Variants in ACTR1A observed in about 807,000 individuals in gnomAD.
ACTR1A encodes actin related protein 1A, also known as alpha-centractin.
A neutral mutation model predicts 50.7 loss-of-function variants in ACTR1A; 10 were observed. That is an observed-to-expected ratio of 0.20 (90% CI 0.12 to 0.33). The LOEUF is 0.33. Ranked by LOEUF, ACTR1A falls within the 10% of genes least tolerant of loss-of-function variation. The pLI is 1.00. For synonymous variants in ACTR1A, 177 were observed against 184.2 expected (o/e 0.96, Z 0.32); for missense variants, 253 against 491.7 (o/e 0.51, Z 4.59).
At chr10:102,481,379 T>TGG (rs201934095) in intron 9 of ACTR1A, among the ~76,000 whole-genome samples, 19 of 130,490 alleles carry the variant, frequency 1.5e-4, no homozygotes, top group African/African-American at 5.6e-4. Flanking sequence ...CTGGGACTAT[T>TGG]GGGGGGGGCA....
Position 102,484,268 on chromosome 10 carries a change from G to A in ACTR1A, c.549C>T (p.Ile183=), listed in dbSNP as rs1414412222. 26 of 1,614,170 alleles carry A rather than the reference G, an allele frequency of 1.6e-5. No individual in the cohort carries two copies. The highest frequency in any genetic ancestry group is 4.4e-5 in the South Asian group (4 of 91,088). ...GFAMPHSIMR[I]DIAGRDVSRF... is the part of the protein sequence containing the mutation. ...GAGAGACGTCCCGGCCCGCGATGTC[G>A]ATGCGCATGATGGAGTGGGGCATGG... is the stretch of plus-strand genomic sequence containing the variant. The change falls in exon 6 of 11, where the codon ATC becomes ATT. Residue 183 remains isoleucine (I), a synonymous_variant. Coordinates refer to ENST00000369905, the MANE Select transcript of ACTR1A (RefSeq NM_005736.4).
intron 6 of ACTR1A, chr10:102,483,472 G>A (rs1425749866): frequency 5.3e-6 from 1 of 189,862 alleles, no homozygotes; most frequent in Non-Finnish European, 1.1e-5. Flanking sequence ...GGTGGCAGGA[G>A]GTTTCAGTTT....
At position 102,482,063 on chromosome 10, in the gene ACTR1A, A is replaced by G. The variant is rs1284230011; in HGVS notation, c.863T>C (p.Met288Thr). Residue 288 changes from methionine to threonine, a missense_variant, in exon 8 of 11, where the codon ATG becomes ACG. Transcript: ENST00000369905. The surrounding 1 kb of genome is among the most constrained non-coding windows in gnomAD (Gnocchi z 5.6). ...AGAGAAAAGCGTGCGCCGCAGGTCC[A>G]TGTCTGACTTCTGAATGGCGAACAC... The part of the protein sequence containing the change: ...VLVFAIQKSD[M>T]DLRRTLFSNI... 1.9e-6 allele frequency: 3 copies of G among 1,614,164 alleles called. No individual in the cohort carries two copies. The highest frequency in any genetic ancestry group is 1.1e-5 in the South Asian group (1 of 91,082).
intron 1 of ACTR1A, among the ~76,000 whole-genome samples, chr10:102,497,670 A>T (rs1471198376): frequency 6.6e-6 from 1 of 151,986 alleles, no homozygotes; most frequent in Non-Finnish European, 1.5e-5. Context: ...TTTTAAAGAG[A>T]TGGGGGTCTT....
intron 1 of ACTR1A, among the ~76,000 whole-genome samples, chr10:102,494,423 G>T (rs898841488): frequency 6.6e-6 from 1 of 152,064 alleles, no homozygotes; most frequent in Non-Finnish European, 1.5e-5. Flanking sequence ...GCCTGAGCCC[G>T]GGAGGTCGAG....
intron 4 of ACTR1A, 94 bp from the exon 5 acceptor site, chr10:102,485,827 G>T (rs1406802430): frequency 1.3e-6 from 2 of 1,550,388 alleles, no homozygotes; most frequent in Non-Finnish European, 1.8e-6. Context: ...TGGTTTGAGA[G>T]CCCGGGGACT....
In ACTR1A at chr10:102,488,295, C is replaced by A. The variant is rs1215572972; in HGVS notation, c.190-20G>T. 3.7e-6 allele frequency: 6 copies of A among 1,608,670 alleles called. No homozygotes were observed. Among genetic ancestry groups the A allele is most frequent in the Non-Finnish European group, 4.3e-6 (5 of 1,175,498 alleles). ...GTGCTCCTGGGAAAAGAGAACAGGACTTACGACTGCAGTCAGGCTCCACCC... is the reference window on the plus strand; with the variant it reads ...GTGCTCCTGGGAAAAGAGAACAGGAATTACGACTGCAGTCAGGCTCCACCC... On this transcript the variant is annotated intron_variant, in intron 3 of 10. Transcript: ENST00000369905. This position sits in a 1 kb window ranked among gnomAD's most constrained non-coding sequence, Gnocchi z 4.4.
intron 1 of ACTR1A, among the ~76,000 whole-genome samples, chr10:102,494,052 C>A (rs1212950083): frequency 1.3e-5 from 2 of 152,238 alleles, no homozygotes; most frequent in Non-Finnish European, 2.9e-5. Context: ...TCAAGCCACA[C>A]AAATTCTGCT....
chr10:102,482,861 T>C lies in ACTR1A; in HGVS notation c.750+150A>G. On this transcript the variant is annotated intron_variant, in intron 7 of 10. Transcript: ENST00000369905. This position sits in a 1 kb window ranked among gnomAD's most constrained non-coding sequence, Gnocchi z 5.6. ...TGTTGGGCCTTACTGAAAGCCATCC[T>C]GGGCCACGTGCAGCCCATGGGCCAG... The C allele has an allele frequency of 1.5e-6, 1 of 670,458 alleles. No individual in the cohort carries two copies. Among genetic ancestry groups the C allele is most frequent in the Non-Finnish European group, 2.7e-6 (1 of 376,330 alleles). The allele number at this position is 670,458 out of a possible 1,614,324, so 41.5% of individuals were successfully genotyped here.
At chr10:102,496,032 G>T (rs1296399972) in intron 1 of ACTR1A, among the ~76,000 whole-genome samples, 3 of 151,740 alleles carry the variant, frequency 2.0e-5, no homozygotes, top group Non-Finnish European at 4.4e-5. Flanking sequence ...TGCAAGTTCC[G>T]CCTCCCGGGT....
In ACTR1A at chr10:102,488,116, C is replaced by T. The variant is rs1443589249; in HGVS notation, c.315+34G>A. On this transcript the variant is annotated intron_variant, in intron 4 of 10. Coordinates refer to ENST00000369905, the MANE Select transcript of ACTR1A (RefSeq NM_005736.4). The surrounding 1 kb of genome is among the most constrained non-coding windows in gnomAD (Gnocchi z 4.4). ...TAGGAGTTTGACACAGCTTTGCATA[C>T]CCTACAGGAGTGCCCTACACACAGG... 2 of 1,593,416 alleles carry T rather than the reference C, an allele frequency of 1.3e-6. No homozygotes were observed. The highest frequency in any genetic ancestry group is 1.7e-6 in the Non-Finnish European group (2 of 1,162,952).
rs2062156213 is a variant in ACTR1A at position 102,484,222 on chromosome 10, G to A, written c.595C>T (p.Arg199Cys). The stretch of plus-strand genomic sequence containing the variant: ...GAGTGGAAGTCGTAGCCCTCCTTAC[G>A]CAGGTAGAGGCGCAGGAAGCGAGAG... The part of the protein sequence containing the change: ...DVSRFLRLYL[R>C]KEGYDFHSSS... The change falls in exon 6 of 11, where the codon CGT (arginine) becomes TGT (cysteine). Residue 199 changes from arginine to cysteine, a missense_variant. This residue lies in a region of ACTR1A where 116 missense variants were observed against 155.9 expected (regional missense o/e 0.74). Coordinates refer to ENST00000369905, the MANE Select transcript of ACTR1A (RefSeq NM_005736.4). 5.6e-6 allele frequency: 9 copies of A among 1,614,050 alleles called. No homozygotes were observed. Among genetic ancestry groups the A allele is most frequent in the Non-Finnish European group, 7.6e-6 (9 of 1,180,030 alleles).
intron 1 of ACTR1A, among the ~76,000 whole-genome samples, chr10:102,498,271 C>T (rs999394855): frequency 7.3e-5 from 11 of 150,952 alleles, no homozygotes; most frequent in African/African-American, 2.7e-4. Flanking sequence ...TACCTGGGTG[C>T]TTGTTATATA....
chr10:102,490,621 A>G lies in ACTR1A; in HGVS notation c.49-8T>C, dbSNP rs1474911358. On this transcript the variant is annotated splice_region_variant and splice_polypyrimidine_tract_variant and intron_variant, in intron 1 of 10. Coordinates refer to ENST00000369905, the MANE Select transcript of ACTR1A (RefSeq NM_005736.4). ...TTTAATCACACCGGATCCCTGAGGA[A>G]AGAGGAGAGAGAATGAGGAGTCAGA... 6.2e-7 allele frequency: 1 copy of G among 1,609,452 alleles called. No individual in the cohort carries two copies. Among genetic ancestry groups the G allele is most frequent in the African/African-American group, 1.3e-5 (1 of 74,802 alleles).
In ACTR1A at chr10:102,482,685, G is replaced by A. The variant is rs2062149530; in HGVS notation, c.750+326C>T. Reference sequence around the variant, plus strand: ...CTCCAGAGAGAGGGTGTAAGGCTGGGGTGTCCAGTCTTTTGGCTTCCCTGG... The same window carrying A: ...CTCCAGAGAGAGGGTGTAAGGCTGGAGTGTCCAGTCTTTTGGCTTCCCTGG... On this transcript the variant is annotated intron_variant, in intron 7 of 10. Transcript: ENST00000369905. This position sits in a 1 kb window ranked among gnomAD's most constrained non-coding sequence, Gnocchi z 5.6. The A allele has an allele frequency of 3.0e-6, 1 of 338,316 alleles. No homozygotes were observed. The highest frequency in any genetic ancestry group is 5.5e-6 in the Non-Finnish European group (1 of 182,080). The allele number at this position is 338,316 out of a possible 1,614,324, so 21.0% of individuals were successfully genotyped here. A position where few individuals can be genotyped will look rare whatever the true frequency, so the allele number is the denominator to read the frequency against.
intron 1 of ACTR1A, among the ~76,000 whole-genome samples, chr10:102,491,212 AAGAC>A (rs2062190150): frequency 6.6e-6 from 1 of 152,148 alleles, no homozygotes; most frequent in Admixed American, 6.6e-5. Context: ...AGGGAAGAAA[AAGAC>A]AGAAAACCTG....
At chr10:102,483,471 A>T (rs1165280420) in intron 6 of ACTR1A, 1 of 191,390 alleles carries the variant, frequency 5.2e-6, no homozygotes, top group Non-Finnish European at 1.1e-5. Context: ...AGGTGGCAGG[A>T]GGTTTCAGTT....
chr10:102,480,864 TAGA>T lies in ACTR1A; in HGVS notation c.1127_1129del (p.Phe376del), dbSNP rs1564647239. On this transcript the variant is annotated inframe_deletion, in exon 11 of 11. Coordinates refer to ENST00000369905, the MANE Select transcript of ACTR1A (RefSeq NM_005736.4). ...AGAGGTGAAGATGATGTCCCGACATTAGAAGGTTTTTCTGTGGATGGATCGGGC... is the reference window on the plus strand; with the variant it reads ...AGAGGTGAAGATGATGTCCCGACATTAGGTTTTTCTGTGGATGGATCGGGC... 3 of 1,610,552 alleles carry T rather than the reference TAGA, an allele frequency of 1.9e-6. No homozygotes were observed. The highest frequency in any genetic ancestry group is 2.5e-6 in the Non-Finnish European group (3 of 1,176,852).
chr10:102,482,301 C>G lies in ACTR1A; in HGVS notation c.751-126G>C. On this transcript the variant is annotated intron_variant, in intron 7 of 10. Transcript: ENST00000369905. This position sits in a 1 kb window ranked among gnomAD's most constrained non-coding sequence, Gnocchi z 5.6. ...GTGGCTATGAAGGCCAGGCTCAAGA[C>G]AGACTCTACATGTCAAGGGCTTAAA... The G allele has an allele frequency of 1.2e-6, 1 of 848,828 alleles. No individual in the cohort carries two copies. Among genetic ancestry groups the G allele is most frequent in the Non-Finnish European group, 1.9e-6 (1 of 535,416 alleles). The allele number at this position is 848,828 out of a possible 1,614,324, so 52.6% of individuals were successfully genotyped here.
Sources: allele counts gnomAD v4.1 joint callset (sites outside exome capture counted in the v4.1 genomes callset), GRCh38; gene constraint gnomAD v4.1.1; regional missense constraint gnomAD v4.1.1; non-coding constraint Gnocchi (gnomAD v3.1); transcripts MANE v1.5; gene names NCBI Gene and HGNC (gene_info 2026-07-23, HGNC 2026-07-21).